GFPT2: variants seen among roughly 807,000 people sequenced by gnomAD.
GFPT2 encodes the protein glutamine--fructose-6-phosphate aminotransferase [isomerizing] 2.
Under a neutral mutation model 85.6 loss-of-function variants are expected in GFPT2, and 62 were observed. That is an observed-to-expected ratio of 0.72 (90% confidence interval 0.59 to 0.90). GFPT2 has a LOEUF of 0.90. GFPT2 is among the 40% of genes least tolerant of loss of function. The pLI is 0.00. For synonymous variants in GFPT2, 368 were observed against 344.5 expected, an observed-to-expected ratio of 1.07 and a Z score of -0.75; for missense variants, 788 against 893.4, an observed-to-expected ratio of 0.88 and a Z score of 1.50.
At chr5:180,304,642 G>T in intron 17 of GFPT2, 130 bp downstream of exon 17, 3 of 846,652 alleles carry the variant, frequency 3.5e-6, no homozygotes, top group East Asian at 4.9e-5. Context: ...AGGCGGCCCG[G>T]GGGAGGGTGT....
chr5:180,340,013 C>T (rs1024969912), intron 1 of GFPT2, among the ~76,000 whole-genome samples: 3 of 152,138 alleles, frequency 2.0e-5, no homozygotes, highest in Non-Finnish European at 4.4e-5. Flanking sequence ...AACAAAATAC[C>T]ACAGACTGCC....
rs777416404 is a variant in GFPT2 at position 180,317,026 on chromosome 5, A to G, written c.991T>C (p.Phe331Leu). Residue 331 changes from phenylalanine (F) to leucine (L), a missense_variant, in exon 11 of 19, where the codon TTC becomes CTC. Physicochemically the swap from Phe to Leu is conservative, Grantham distance 22. Transcript: ENST00000253778. ...TTGAAAACTGATTCTGGCTGTTCGA[A>G]GATCTCCTTCTGCATAAACGCACTG... ...NFSAFMQKEI[F>L]EQPESVFNTM... The G allele has an allele frequency of 1.9e-6, 3 of 1,611,482 alleles. No individual in the cohort carries two copies. The highest frequency in any genetic ancestry group is 2.5e-6 in the Non-Finnish European group (3 of 1,177,540).
chr5:180,326,236 C>T (rs182332258), intron 7 of GFPT2, among the ~76,000 whole-genome samples: 153 of 152,178 alleles, frequency 1.0e-3, no homozygotes, highest in African/African-American at 3.5e-3. Flanking sequence ...GCAGTAGTTA[C>T]GAAAGGATGT....
At chr5:180,341,199 C>T (rs1366731261) in intron 1 of GFPT2, among the ~76,000 whole-genome samples, 2 of 152,150 alleles carry the variant, frequency 1.3e-5, no homozygotes, top group Non-Finnish European at 2.9e-5. Context: ...GGGATGGATG[C>T]CACGAGGGTT....
intron 1 of GFPT2, among the ~76,000 whole-genome samples, chr5:180,343,942 G>A (rs1255535304): frequency 6.6e-6 from 1 of 152,254 alleles, no homozygotes; most frequent in Non-Finnish European, 1.5e-5. Context: ...GGGCTTCTAA[G>A]AAGGTATCCA....
intron 3 of GFPT2, 53 bp downstream of exon 3, chr5:180,336,426 A>G: frequency 1.0e-6 from 1 of 971,154 alleles, no homozygotes; most frequent in East Asian, 2.4e-5. Flanking sequence ...ATACGGTCCT[A>G]GAAAGCGGCC....
In GFPT2 at chr5:180,307,103, T is replaced by C. The variant is rs915528539; in HGVS notation, c.1674+73A>G. 5 of 1,305,578 alleles carry C rather than the reference T, an allele frequency of 3.8e-6. No homozygotes were observed. In the East Asian group the frequency reaches 1.0e-4, roughly 27 times the overall value. The allele number at this position is 1,305,578 out of a possible 1,614,324, so 80.9% of individuals were successfully genotyped here. A position where few individuals can be genotyped will look rare whatever the true frequency, so the allele number is the denominator to read the frequency against. The stretch of plus-strand genomic sequence containing the variant: ...CCTCCCCAAGCCCAACGCCCTGCCC[T>C]CCTTCCCGCTGGCTCCTCAGGGTCT... On this transcript the variant is annotated intron_variant, in intron 16 of 18. Transcript: ENST00000253778.
rs899771432 is a variant in GFPT2, at chr5:180,301,318, G to A, written c.*246C>T. 34 of 568,962 alleles carry A rather than the reference G, an allele frequency of 6.0e-5. No homozygotes were observed. The African/African-American group carries it at 6.2e-4, about 10-fold the overall frequency. 35.2% of individuals were successfully genotyped at this position (568,962 alleles called of 1,614,324 possible). On this transcript the variant is annotated 3_prime_UTR_variant, in exon 19 of 19. Coordinates refer to ENST00000253778, the MANE Select transcript of GFPT2 (RefSeq NM_005110.4). Reference sequence around the variant, plus strand: ...TGTATCTCTATTGCACAGTAGTGGAGAAGTCTGCTCTGATCCCCATGTGTA... The same window carrying A: ...TGTATCTCTATTGCACAGTAGTGGAAAAGTCTGCTCTGATCCCCATGTGTA...
At chr5:180,351,528 G>A (rs991701069) in intron 1 of GFPT2, among the ~76,000 whole-genome samples, 1 of 151,912 alleles carries the variant, frequency 6.6e-6, no homozygotes, top group Admixed American at 6.6e-5. Flanking sequence ...CCCATGGACC[G>A]CAGCCACTCC....
At chr5:180,317,928 G>A (rs116613859) in intron 10 of GFPT2, among the ~76,000 whole-genome samples, 3 of 152,066 alleles carry the variant, frequency 2.0e-5, no homozygotes, top group Middle Eastern at 3.4e-3. Context: ...TCTAGGATAC[G>A]CACACTCATG....
At chr5:180,302,286 CAAA>C (rs202124937) in intron 18 of GFPT2, 134 bp downstream of exon 18, 3,984 of 507,608 alleles carry the variant, frequency 7.8e-3, no homozygotes, top group East Asian at 0.021. Context: ...GACTCAATCT[CAAA>C]AAAAAAAAAA....
intron 2 of GFPT2, 143 bp downstream of exon 2, chr5:180,338,350 A>G: frequency 2.1e-6 from 1 of 481,326 alleles, no homozygotes; most frequent in Non-Finnish European, 3.7e-6. Context: ...TTTAACGGAC[A>G]AGTGTTATTT....
chr5:180,338,250 C>T (rs1369367044), intron 2 of GFPT2, among the ~76,000 whole-genome samples: 1 of 152,216 alleles, frequency 6.6e-6, no homozygotes, highest in East Asian at 1.9e-4. Context: ...TGTACCCTTT[C>T]TGCTTCCTGA....
chr5:180,325,403 G>A (rs1315362279), intron 7 of GFPT2, among the ~76,000 whole-genome samples: 1 of 152,188 alleles, frequency 6.6e-6, no homozygotes. Flanking sequence ...ACTGACTTTT[G>A]TATATTCTCT....
At chr5:180,335,445 T>A (rs966820497) in intron 4 of GFPT2, among the ~76,000 whole-genome samples, 8 of 152,178 alleles carry the variant, frequency 5.3e-5, no homozygotes, top group African/African-American at 1.9e-4. Context: ...ACAGAACCCA[T>A]CCTTGCCTGA....
intron 13 of GFPT2, among the ~76,000 whole-genome samples, chr5:180,315,400 A>C (rs1336905106): frequency 6.6e-6 from 1 of 152,208 alleles, no homozygotes; most frequent in East Asian, 1.9e-4. Flanking sequence ...GGATGGCCTC[A>C]ATCTCCTGAC....
chr5:180,350,894 C>T (rs772009108), intron 1 of GFPT2, among the ~76,000 whole-genome samples: 22 of 152,134 alleles, frequency 1.4e-4, no homozygotes, highest in Non-Finnish European at 2.6e-4. Flanking sequence ...TAAGGAAGGG[C>T]CTTAGGTCTC....
chr5:180,310,384 T>G (rs1763856116), intron 15 of GFPT2, among the ~76,000 whole-genome samples: 1 of 151,724 alleles, frequency 6.6e-6, no homozygotes, highest in Admixed American at 6.6e-5. Context: ...ATTACAGGCG[T>G]GAGCCACTGC....
chr5:180,351,203 C>A (rs991236285), intron 1 of GFPT2, among the ~76,000 whole-genome samples: 19 of 152,348 alleles, frequency 1.2e-4, no homozygotes, highest in Admixed American at 3.9e-4. Context: ...TCATCCCCCC[C>A]AAACAGACCA....
Sources: gnomAD v4.1 joint callset for allele counts (sites outside exome capture counted in the v4.1 genomes callset) on GRCh38, gnomAD v4.1.1 for gene constraint, MANE v1.5 for transcripts, NCBI Gene and HGNC (gene_info 2026-07-23, HGNC 2026-07-21) for gene names.